ITGB8: variants seen among roughly 807,000 people sequenced by gnomAD.
The protein encoded by ITGB8 is integrin subunit beta 8, also known as integrin beta-8.
Under a neutral mutation model 89.5 loss-of-function variants are expected in ITGB8, and 30 were observed. That is an observed-to-expected ratio of 0.34 (90% confidence interval 0.25 to 0.45). The LOEUF (loss-of-function observed/expected upper bound fraction) is 0.45. ITGB8 is among the 20% of genes least tolerant of loss of function. The pLI is 1.00. For synonymous variants in ITGB8, 335 were observed against 320.4 expected (o/e 1.05, Z -0.49); for missense variants, 836 against 933.3 (o/e 0.90, Z 1.36).
chr7:20,344,520 G>A (rs1784859840), intron 1 of ITGB8, among the ~76,000 whole-genome samples: 1 of 152,226 alleles, frequency 6.6e-6, no homozygotes, highest in African/African-American at 2.4e-5. Flanking sequence ...TGTGCGTAAA[G>A]ACTGGAAGAA....
intron 3 of ITGB8, among the ~76,000 whole-genome samples, chr7:20,371,018 T>G (rs1785914552): frequency 2.0e-5 from 3 of 152,124 alleles, no homozygotes; most frequent in East Asian, 1.9e-4. Flanking sequence ...CAAATCAAAT[T>G]AACTGTATGT....
intron 10 of ITGB8, among the ~76,000 whole-genome samples, 168 bp downstream of exon 10, chr7:20,402,294 G>A (rs145032356): frequency 1.2e-4 from 19 of 152,298 alleles, no homozygotes; most frequent in African/African-American, 4.6e-4. Flanking sequence ...TTTATAGTAC[G>A]TGATTTTGAT....
In ITGB8 at chr7:20,410,024, A is replaced by G; in HGVS notation, c.*27A>G. 2 of 1,593,356 alleles carry G rather than the reference A, an allele frequency of 1.3e-6. No individual in the cohort carries two copies. Among genetic ancestry groups the G allele is most frequent in the Non-Finnish European group, 1.7e-6 (2 of 1,170,720 alleles). On this transcript the variant is annotated 3_prime_UTR_variant, in exon 14 of 14. Coordinates refer to ENST00000222573, the MANE Select transcript of ITGB8 (RefSeq NM_002214.3). ...AAAAGATTTTTAAACACTTAATGGG[A>G]AACTGGAATTGTTAATAATTGCTCC... is the stretch of plus-strand genomic sequence containing the variant.
chr7:20,374,685 G>C (rs1786064209), intron 3 of ITGB8, among the ~76,000 whole-genome samples: 1 of 152,160 alleles, frequency 6.6e-6, no homozygotes, highest in Non-Finnish European at 1.5e-5. Context: ...ACCACAGGCA[G>C]AGGAAGGACC....
Position 20,404,804 on chromosome 7 carries a change from C to G in ITGB8, c.1864C>G (p.Arg622Gly), listed in dbSNP as rs151014289. ...CECTDPRSIG[R>G]FCEHCPTCYT... ...GTGCACCGATCCCAGGAGCATCGGC[C>G]GCTTCTGTGAACACTGCCCCACCTG... The change falls in exon 11 of 14, where the codon CGC becomes GGC. Residue 622 changes from arginine (R) to glycine (G), a missense_variant. Around this residue, in one of 5 missense-constraint regions of ITGB8, gnomAD observed 422 missense variants for 416.9 expected, o/e 1.01. Coordinates refer to ENST00000222573, the MANE Select transcript of ITGB8 (RefSeq NM_002214.3). The G allele has an allele frequency of 1.1e-4, 170 of 1,614,036 alleles. No individual in the cohort carries two copies. Among genetic ancestry groups the G allele is most frequent in the Non-Finnish European group, 1.3e-4 (152 of 1,180,046 alleles).
rs888906495 is a variant in ITGB8 at position 20,402,729 on chromosome 7, G to A, written c.1687+603G>A. The stretch of plus-strand genomic sequence containing the variant: ...CCTTACTAAGTAATCTAAAAGATTC[G>A]TCCTTGAGGCCACACACAGACCAAA... On this transcript the variant is annotated intron_variant, in intron 10 of 13. Transcript: ENST00000222573. Among the ~76,000 whole-genome samples the A allele has an allele frequency of 7.9e-5, 12 of 152,052 alleles. No individual in the cohort carries two copies. The East Asian group carries it at 9.6e-4, about 12-fold the overall frequency.
rs528758434 is a variant in ITGB8, at chr7:20,362,343, C to A, written c.128-1294C>A. On this transcript the variant is annotated intron_variant, in intron 1 of 13. Coordinates refer to ENST00000222573, the MANE Select transcript of ITGB8 (RefSeq NM_002214.3). ...ATGTCCATGTGTGATTGGGCACATA[C>A]ACACATGTGCATGAGTGTGCACATG... Among the ~76,000 whole-genome samples the A allele has an allele frequency of 3.3e-5, 5 of 152,316 alleles. No individual in the cohort carries two copies. In the South Asian group the frequency reaches 1.0e-3, roughly 32 times the overall value.
intron 3 of ITGB8, among the ~76,000 whole-genome samples, chr7:20,368,295 C>CA (rs909270987): frequency 2.6e-5 from 4 of 152,102 alleles, no homozygotes; most frequent in South Asian, 4.2e-4. Context: ...CCTTCCATTG[C>CA]AAAAAATTAT....
In ITGB8 at chr7:20,346,644, G is replaced by T. The variant is rs574331360; in HGVS notation, c.127+14711G>T. 4.3e-6 allele frequency: 4 copies of T among 928,958 alleles called. No homozygotes were observed. The African/African-American group carries it at 7.1e-5, about 17-fold the overall frequency. 57.5% of individuals were successfully genotyped at this position (928,958 alleles called of 1,614,324 possible). On this transcript the variant is annotated intron_variant, in intron 1 of 13. Transcript: ENST00000222573. Reference sequence around the variant, plus strand: ...AAGCCTGACTTAGTTCTGAAGTGAGGCGTTGACTCTACCCCGTTTCCTGCC... The same window carrying T: ...AAGCCTGACTTAGTTCTGAAGTGAGTCGTTGACTCTACCCCGTTTCCTGCC...
At chr7:20,382,559 T>C (rs907721380) in intron 6 of ITGB8, among the ~76,000 whole-genome samples, 4 of 152,210 alleles carry the variant, frequency 2.6e-5, no homozygotes, top group African/African-American at 9.6e-5. Flanking sequence ...TTGACACTTA[T>C]TTATATATTC....
At chr7:20,354,255 G>A (rs1233838190) in intron 1 of ITGB8, among the ~76,000 whole-genome samples, 2 of 152,074 alleles carry the variant, frequency 1.3e-5, no homozygotes, top group African/African-American at 2.4e-5. Flanking sequence ...TTTCCTCCCA[G>A]GAACTGGTAG....
chr7:20,331,762 C>T lies in ITGB8; in HGVS notation c.-45C>T, dbSNP rs1376547026. The T allele has an allele frequency of 5.7e-6, 9 of 1,587,516 alleles. No homozygotes were observed. The highest frequency in any genetic ancestry group is 2.3e-5 in the East Asian group (1 of 43,798). On this transcript the variant is annotated 5_prime_UTR_variant, in exon 1 of 14. Transcript: ENST00000222573. ...CGCCCGGGAGGCGCGAGCCCGCGTCCGGAAGGCAGTCAGGCGGCGGGCGCG... is the reference window on the plus strand; with the variant it reads ...CGCCCGGGAGGCGCGAGCCCGCGTCTGGAAGGCAGTCAGGCGGCGGGCGCG...
intron 3 of ITGB8, among the ~76,000 whole-genome samples, chr7:20,377,793 C>T (rs1028287161): frequency 6.6e-6 from 1 of 152,164 alleles, no homozygotes; most frequent in Non-Finnish European, 1.5e-5. Context: ...TAGTCCCTTT[C>T]TCCATAATTA....
chr7:20,369,584 T>C (rs544592075), intron 3 of ITGB8, among the ~76,000 whole-genome samples: 1 of 152,300 alleles, frequency 6.6e-6, no homozygotes, highest in South Asian at 2.1e-4. Context: ...ATTCAAATAC[T>C]GTCACATTGG....
chr7:20,352,113 A>G lies in ITGB8; in HGVS notation c.128-11524A>G, dbSNP rs73683472. Reference sequence around the variant, plus strand: ...AAAACAAGAAACAAAGCACATGACTAATACTGCTTTTCCAAGTTAGACAAA... The same window carrying G: ...AAAACAAGAAACAAAGCACATGACTGATACTGCTTTTCCAAGTTAGACAAA... On this transcript the variant is annotated intron_variant, in intron 1 of 13. Coordinates refer to ENST00000222573, the MANE Select transcript of ITGB8 (RefSeq NM_002214.3). Among the ~76,000 whole-genome samples the G allele has an allele frequency of 2.6e-3, 403 of 152,354 alleles. 2 individuals are homozygous for G. Among genetic ancestry groups the G allele is most frequent in the African/African-American group, 9.0e-3 (376 of 41,588 alleles).
intron 9 of ITGB8, 92 bp downstream of exon 9, chr7:20,399,086 C>A: frequency 1.6e-6 from 2 of 1,287,126 alleles, no homozygotes; most frequent in Non-Finnish European, 1.1e-6. Context: ...AAAAATTTTA[C>A]TTACTACTGA....
At position 20,391,514 on chromosome 7, in the gene ITGB8, A is replaced by G; in HGVS notation, c.1056+16A>G. The G allele has an allele frequency of 7.3e-7, 1 of 1,362,742 alleles. No individual in the cohort carries two copies. The highest frequency in any genetic ancestry group is 1.3e-5 in the South Asian group (1 of 75,838). 84.4% of individuals were successfully genotyped at this position (1,362,742 alleles called of 1,614,324 possible). On this transcript the variant is annotated intron_variant, in intron 7 of 13. Transcript: ENST00000222573. ...TTGGTATAAGGTATGTTAACTCTGA[A>G]AATGTTAAAATTAAATTTTTTTCAT...
At chr7:20,381,632 T>G in intron 5 of ITGB8, 95 bp from the exon 6 acceptor site, 1 of 896,128 alleles carries the variant, frequency 1.1e-6, no homozygotes. Flanking sequence ...CCTGACTTAC[T>G]GTTCGTCAAC....
intron 1 of ITGB8, among the ~76,000 whole-genome samples, chr7:20,333,925 A>G (rs1387847687): frequency 6.6e-6 from 1 of 152,170 alleles, no homozygotes. Flanking sequence ...TTACAGTGCA[A>G]ATTAGATGCT....
Sources: gnomAD v4.1 joint callset for allele counts (sites outside exome capture counted in the v4.1 genomes callset) on GRCh38, gnomAD v4.1.1 for gene constraint, gnomAD v4.1.1 regional missense constraint, MANE v1.5 for transcripts, NCBI Gene and HGNC (gene_info 2026-07-23, HGNC 2026-07-21) for gene names.